The following SLC2A13 variants were observed in gnomAD, a reference collection of about 807,000 sequenced individuals.
SLC2A13 encodes the protein solute carrier family 2 member 13.
Under a neutral mutation model 64.4 loss-of-function variants are expected in SLC2A13, and 32 were observed. The observed-to-expected ratio is 0.50, with a 90% CI of 0.37 to 0.67. The LOEUF (loss-of-function observed/expected upper bound fraction) is 0.67, where lower values mean the gene tolerates loss of function less well. Ranked by LOEUF, SLC2A13 falls within the 30% of genes least tolerant of loss-of-function variation. The pLI is 0.00. For missense variants in SLC2A13, 743 were observed against 829.2 expected (o/e 0.90, Z 1.28); for synonymous variants, 338 against 327.1 (o/e 1.03, Z -0.36).
intron 3 of SLC2A13, among the ~76,000 whole-genome samples, chr12:39,973,756 G>C (rs959668619): frequency 9.2e-5 from 14 of 152,166 alleles, no homozygotes; most frequent in Middle Eastern, 3.2e-3. Flanking sequence ...CATTTCTTCA[G>C]AGCACTTACT....
chr12:40,062,728 TA>T (rs1948443221), intron 1 of SLC2A13, among the ~76,000 whole-genome samples: 1 of 152,134 alleles, frequency 6.6e-6, no homozygotes, highest in Admixed American at 6.5e-5. Flanking sequence ...ACATCCAAAT[TA>T]AAGTTGTAGG....
chr12:39,859,237 C>T (rs74086796), intron 6 of SLC2A13, among the ~76,000 whole-genome samples: 2,252 of 145,196 alleles, frequency 0.016, 52 homozygotes, highest in African/African-American at 0.054. Context: ...TATTCTTATG[C>T]TTGGTTTAAC....
At chr12:39,820,191 T>C (rs1942453187) in intron 7 of SLC2A13, among the ~76,000 whole-genome samples, 1 of 152,156 alleles carries the variant, frequency 6.6e-6, no homozygotes, top group Non-Finnish European at 1.5e-5. Flanking sequence ...GAAAATAAAG[T>C]TGGTTAATCC....
intron 2 of SLC2A13, among the ~76,000 whole-genome samples, chr12:40,033,220 A>T (rs80040817): frequency 0.011 from 1,628 of 152,380 alleles, 13 homozygotes; most frequent in Non-Finnish European, 0.017. Flanking sequence ...ATAAATGTTT[A>T]TTGTAAGTCA....
chr12:39,895,947 C>A (rs967473560), intron 4 of SLC2A13, among the ~76,000 whole-genome samples: 1 of 148,324 alleles, frequency 6.7e-6, no homozygotes, highest in Non-Finnish European at 1.5e-5. Context: ...TATATACATG[C>A]GTATATGTGT....
chr12:39,789,588 T>C (rs546559223), intron 7 of SLC2A13, among the ~76,000 whole-genome samples: 17 of 152,300 alleles, frequency 1.1e-4, no homozygotes, highest in East Asian at 3.9e-4. Flanking sequence ...TGCTGGATTA[T>C]AGAGTATGTG....
intron 4 of SLC2A13, among the ~76,000 whole-genome samples, chr12:39,882,986 T>A (rs1944381089): frequency 6.6e-6 from 1 of 152,190 alleles, no homozygotes; most frequent in African/African-American, 2.4e-5. Flanking sequence ...TGAATATTTT[T>A]TAGGCGCTTA....
chr12:39,954,830 C>T (rs1208491457), intron 3 of SLC2A13, among the ~76,000 whole-genome samples: 2 of 152,156 alleles, frequency 1.3e-5, no homozygotes, highest in Non-Finnish European at 2.9e-5. Context: ...AACGTGTATG[C>T]ACTTACTGAG....
intron 6 of SLC2A13, among the ~76,000 whole-genome samples, chr12:39,859,220 T>G (rs1328711593): frequency 6.6e-6 from 1 of 150,994 alleles, no homozygotes; most frequent in Non-Finnish European, 1.5e-5. Flanking sequence ...AAGAACCACA[T>G]TGATCATATT....
intron 7 of SLC2A13, among the ~76,000 whole-genome samples, chr12:39,782,844 G>A (rs550767335): frequency 3.9e-5 from 6 of 152,096 alleles, no homozygotes; most frequent in Non-Finnish European, 7.4e-5. Context: ...GTTGAAAAAC[G>A]GAGCAAAGGT....
chr12:40,098,230 G>A (rs1467406281), intron 1 of SLC2A13, among the ~76,000 whole-genome samples: 1 of 152,260 alleles, frequency 6.6e-6, no homozygotes, highest in African/African-American at 2.4e-5. Flanking sequence ...CTCAAGTGAA[G>A]TAAGCCAACA....
intron 3 of SLC2A13, among the ~76,000 whole-genome samples, chr12:39,956,106 C>T (rs527901263): frequency 3.3e-5 from 5 of 152,100 alleles, no homozygotes; most frequent in Admixed American, 1.3e-4. Context: ...CAACTTTATG[C>T]CATTAAATTC....
chr12:39,901,822 C>A (rs1245467414), intron 4 of SLC2A13, among the ~76,000 whole-genome samples: 3 of 144,856 alleles, frequency 2.1e-5, no homozygotes, highest in African/African-American at 5.1e-5. Context: ...TACCATTTGA[C>A]CCAGCCATCC....
intron 3 of SLC2A13, among the ~76,000 whole-genome samples, chr12:39,986,581 TA>T (rs1947035435): frequency 6.6e-6 from 1 of 151,760 alleles, no homozygotes; most frequent in African/African-American, 2.4e-5. Flanking sequence ...TCAATAGACA[TA>T]AAATTACGGT....
At chr12:40,002,883 C>T (rs1472666342) in intron 3 of SLC2A13, among the ~76,000 whole-genome samples, 1 of 151,466 alleles carries the variant, frequency 6.6e-6, no homozygotes, top group Non-Finnish European at 1.5e-5. Flanking sequence ...CTTCATAAAG[C>T]TGCTTTTCAC....
intron 7 of SLC2A13, among the ~76,000 whole-genome samples, chr12:39,789,406 A>G (rs530423247): frequency 2.0e-4 from 30 of 152,268 alleles, no homozygotes; most frequent in African/African-American, 7.2e-4. Flanking sequence ...GTGCATCATG[A>G]TATACACTTT....
intron 3 of SLC2A13, among the ~76,000 whole-genome samples, chr12:39,984,563 ATTAATTATGAAGGT>A (rs1946993705): frequency 1.3e-5 from 2 of 152,194 alleles, no homozygotes; most frequent in South Asian, 4.1e-4. Context: ...CATTACTACA[ATTAATTATGAAGGT>A]TTAATGCAGA....
chr12:39,808,771 G>A (rs1211980872), intron 7 of SLC2A13, among the ~76,000 whole-genome samples: 1 of 151,920 alleles, frequency 6.6e-6, no homozygotes, highest in Non-Finnish European at 1.5e-5. Context: ...CTTTTGAAAG[G>A]TTGCTTTATT....
At position 40,101,476 on chromosome 12, in the gene SLC2A13, A is replaced by G. The variant is rs190546012; in HGVS notation, c.556+3777T>C. On this transcript the variant is annotated intron_variant, in intron 1 of 9. Transcript: ENST00000280871. Reference sequence around the variant, plus strand: ...ATGCTTTACCCATCCTGTAGTAGCCATCTCAGCAAATGATTGCTAATACCC... The same window carrying G: ...ATGCTTTACCCATCCTGTAGTAGCCGTCTCAGCAAATGATTGCTAATACCC... Among the ~76,000 whole-genome samples the G allele has an allele frequency of 1.1e-4, 17 of 152,348 alleles. No homozygotes were observed. In the East Asian group the frequency reaches 3.1e-3, roughly 28 times the overall value.
Sources: allele counts gnomAD v4.1 joint callset (sites outside exome capture counted in the v4.1 genomes callset), GRCh38; gene constraint gnomAD v4.1.1; transcripts MANE v1.5; gene names NCBI Gene and HGNC (gene_info 2026-07-23, HGNC 2026-07-21).